Variants in FOXP1 observed in about 807,000 individuals in gnomAD.
FOXP1 encodes the protein forkhead box P1.
In FOXP1, 15 loss-of-function variants were observed where a neutral mutation model predicts 98.2. That is an observed-to-expected ratio of 0.15 (90% CI 0.10 to 0.24). The LOEUF is 0.24. FOXP1 is among the 10% of genes least tolerant of loss of function. The pLI, the probability that FOXP1 is intolerant of heterozygous loss-of-function variation, is 1.00. For synonymous variants in FOXP1, 371 were observed against 314.5 expected (o/e 1.18, Z -1.90); for missense variants, 633 against 848.5 (o/e 0.75, Z 3.15).
At chr3:70,991,469 A>C (rs1012354428) in intron 13 of FOXP1, among the ~76,000 whole-genome samples, 3 of 152,194 alleles carry the variant, frequency 2.0e-5, no homozygotes, top group African/African-American at 7.2e-5. Context: ...ATACAAACTA[A>C]GATTAATCTT....
chr3:71,133,163 T>C (rs1260581938), intron 6 of FOXP1, among the ~76,000 whole-genome samples: 2 of 152,236 alleles, frequency 1.3e-5, no homozygotes, highest in South Asian at 4.1e-4. Flanking sequence ...CAAAGAATGC[T>C]GCCACCACTG....
intron 3 of FOXP1, among the ~76,000 whole-genome samples, chr3:71,475,195 G>A (rs2089718894): frequency 6.6e-6 from 1 of 151,816 alleles, no homozygotes; most frequent in Admixed American, 6.6e-5. Context: ...CCTCTCTCCT[G>A]GATGCTAACC....
intron 3 of FOXP1, among the ~76,000 whole-genome samples, chr3:71,463,236 G>C (rs1462271773): frequency 1.3e-5 from 2 of 151,634 alleles, no homozygotes; most frequent in African/African-American, 4.8e-5. Context: ...TGGTGGCATA[G>C]GCCTATAATC....
At chr3:71,286,828 T>C (rs571683476) in intron 5 of FOXP1, among the ~76,000 whole-genome samples, 4 of 152,362 alleles carry the variant, frequency 2.6e-5, no homozygotes, top group African/African-American at 9.6e-5. Flanking sequence ...AATGATTTTA[T>C]GTGCCTGGAA....
At chr3:71,351,129 C>A (rs1042279401) in intron 4 of FOXP1, among the ~76,000 whole-genome samples, 2 of 152,112 alleles carry the variant, frequency 1.3e-5, no homozygotes, top group African/African-American at 4.8e-5. Context: ...GAAAGGTTAT[C>A]CTGCCACAAA....
intron 11 of FOXP1, among the ~76,000 whole-genome samples, chr3:71,023,777 T>C (rs908107196): frequency 1.3e-5 from 2 of 152,224 alleles, no homozygotes; most frequent in South Asian, 2.1e-4. Flanking sequence ...AGACTTCTGA[T>C]TTGAAATTAC....
At chr3:70,985,220 C>A (rs1276487269) in intron 14 of FOXP1, among the ~76,000 whole-genome samples, 1 of 152,144 alleles carries the variant, frequency 6.6e-6, no homozygotes, top group Non-Finnish European at 1.5e-5. Context: ...ATTAAAGATT[C>A]TAGAAGGATA....
chr3:71,003,744 T>G (rs541824590), intron 12 of FOXP1, among the ~76,000 whole-genome samples: 1 of 152,206 alleles, frequency 6.6e-6, no homozygotes, highest in Non-Finnish European at 1.5e-5. Flanking sequence ...AATTACTGTT[T>G]GAAAATGCTT....
intron 3 of FOXP1, among the ~76,000 whole-genome samples, chr3:71,410,025 A>T (rs936523087): frequency 6.6e-5 from 10 of 152,106 alleles, no homozygotes; most frequent in African/African-American, 2.4e-4. Context: ...AAAACCAACA[A>T]CAACAGCAAC....
chr3:71,317,632 C>A (rs768997179), intron 4 of FOXP1, among the ~76,000 whole-genome samples: 10 of 152,060 alleles, frequency 6.6e-5, no homozygotes, highest in Non-Finnish European at 1.5e-4. Context: ...AACACAGATG[C>A]TAGGCCCCAA....
intron 6 of FOXP1, among the ~76,000 whole-genome samples, chr3:71,191,347 G>A (rs2062968922): frequency 6.6e-6 from 1 of 152,148 alleles, no homozygotes; most frequent in South Asian, 2.1e-4. Context: ...CAAGAGATAG[G>A]GCGTTCTTTT....
chr3:71,130,950 A>C, intron 6 of FOXP1: 2 of 1,225,464 alleles, frequency 1.6e-6, no homozygotes, highest in Non-Finnish European at 2.0e-6. Context: ...CTAGCCAAAC[A>C]CAGCTCATTC....
At chr3:71,398,991 C>A (rs994710861) in intron 3 of FOXP1, among the ~76,000 whole-genome samples, 1 of 152,112 alleles carries the variant, frequency 6.6e-6, no homozygotes, top group Non-Finnish European at 1.5e-5. Flanking sequence ...CTATTTTATT[C>A]CCCTATCTAC....
At position 70,959,299 on chromosome 3, in the gene FOXP1, A is replaced by G. The variant is rs759325225; in HGVS notation, c.1982T>C (p.Phe661Ser). 2.5e-6 allele frequency: 4 copies of G among 1,613,942 alleles called. No homozygotes were observed. The highest frequency in any genetic ancestry group is 3.4e-6 in the Non-Finnish European group (4 of 1,180,022). ...LVTTANHSPD[F>S]DHDRDYEDEP... ...ATCTTCGTAATCTCTGTCATGGTCAAAATCTGGACTGTGGTTGGCTGTTGT... is the reference window on the plus strand; with the variant it reads ...ATCTTCGTAATCTCTGTCATGGTCAGAATCTGGACTGTGGTTGGCTGTTGT... Residue 661 changes from phenylalanine to serine, a missense_variant, in exon 21 of 21, where the codon TTT becomes TCT. By Grantham distance (155) the Phe-to-Ser change is radical (BLOSUM62 -2). Coordinates refer to ENST00000649528, the MANE Select transcript of FOXP1 (RefSeq NM_001349338.3).
At chr3:71,377,050 G>A (rs1247462153) in intron 3 of FOXP1, among the ~76,000 whole-genome samples, 1 of 152,084 alleles carries the variant, frequency 6.6e-6, no homozygotes, top group East Asian at 1.9e-4. Flanking sequence ...AGGTGAGCAA[G>A]TGCAACTGAA....
At chr3:71,396,916 G>GTATATATATA (rs2081417615) in intron 3 of FOXP1, among the ~76,000 whole-genome samples, 2 of 89,392 alleles carry the variant, frequency 2.2e-5, no homozygotes, top group African/African-American at 9.5e-5. Flanking sequence ...ATATATATGT[G>GTATATATATA]TGTATATATA....
intron 7 of FOXP1, among the ~76,000 whole-genome samples, chr3:71,094,185 C>G (rs943326704): frequency 6.6e-6 from 1 of 151,882 alleles, no homozygotes; most frequent in Non-Finnish European, 1.5e-5. Context: ...CAGCCATAGA[C>G]AGAAAAACAA....
At chr3:71,219,393 G>A (rs373377723) in intron 5 of FOXP1, among the ~76,000 whole-genome samples, 121 of 152,206 alleles carry the variant, frequency 7.9e-4, no homozygotes, top group African/African-American at 2.7e-3. Context: ...AGTGAATATA[G>A]GACTAAATTT....
intron 13 of FOXP1, among the ~76,000 whole-genome samples, chr3:70,998,300 A>G (rs1370432908): frequency 6.6e-6 from 1 of 152,210 alleles, no homozygotes; most frequent in Non-Finnish European, 1.5e-5. Context: ...CTGTGTTCTC[A>G]TATAATTTTA....
Sources: gnomAD v4.1 joint callset for allele counts (sites outside exome capture counted in the v4.1 genomes callset) on GRCh38, gnomAD v4.1.1 for gene constraint, MANE v1.5 for transcripts, NCBI Gene and HGNC (gene_info 2026-07-23, HGNC 2026-07-21) for gene names.